The following COQ10B variants were observed in gnomAD, a reference collection of about 807,000 sequenced individuals.
COQ10B encodes the protein coenzyme Q-binding protein COQ10 homolog B, mitochondrial.
COQ10B carries 12 observed loss-of-function variants against 27.6 expected under a neutral mutation model. The observed-to-expected ratio is 0.43, with a 90% CI of 0.28 to 0.70. COQ10B has a LOEUF of 0.70. Among genes scored for constraint, COQ10B ranks in the 30% least tolerant of loss-of-function variants. The pLI is 0.17. For synonymous variants in COQ10B, 115 were observed against 103.0 expected (o/e 1.12, Z -0.71); for missense variants, 278 against 288.7 (o/e 0.96, Z 0.27).
At chr2:197,473,414 A>AT (rs1262039120) in intron 4 of COQ10B, among the ~76,000 whole-genome samples, 1,742 of 62,896 alleles carry the variant, frequency 0.028, 3 homozygotes, top group Non-Finnish European at 0.039. Context: ...AAAAAAAAAA[A>AT]AATATATATA....
intron 1 of COQ10B, among the ~76,000 whole-genome samples, chr2:197,454,554 T>G (rs2085675781): frequency 6.6e-6 from 1 of 152,056 alleles, no homozygotes; most frequent in South Asian, 2.1e-4. Context: ...TCCAAATCCC[T>G]TTAGACAAAT....
At chr2:197,465,614 C>T (rs539743681) in intron 3 of COQ10B, among the ~76,000 whole-genome samples, 1 of 151,818 alleles carries the variant, frequency 6.6e-6, no homozygotes, top group African/African-American at 2.4e-5. Flanking sequence ...CTTCTTAAAA[C>T]CTACAGGATA....
chr2:197,466,186 T>G (rs550810348), intron 3 of COQ10B, among the ~76,000 whole-genome samples: 1 of 152,312 alleles, frequency 6.6e-6, no homozygotes, highest in African/African-American at 2.4e-5. Flanking sequence ...TGCTCCCTCC[T>G]CCCACGTAAT....
At chr2:197,453,691 G>C (rs779257070) in intron 1 of COQ10B, 27 bp downstream of exon 1, 26 of 1,586,674 alleles carry the variant, frequency 1.6e-5, no homozygotes, top group Non-Finnish European at 2.2e-5. Flanking sequence ...GCGCTGAGAC[G>C]AGAGTAGTTT....
At chr2:197,455,927 C>T (rs1332565574) in intron 1 of COQ10B, among the ~76,000 whole-genome samples, 4 of 151,958 alleles carry the variant, frequency 2.6e-5, no homozygotes, top group Non-Finnish European at 5.9e-5. Context: ...CCACTGCACT[C>T]CAGCGTGGGT....
At chr2:197,473,454 A>G (rs1307371093) in intron 4 of COQ10B, among the ~76,000 whole-genome samples, 1 of 42,988 alleles carries the variant, frequency 2.3e-5, no homozygotes, top group Non-Finnish European at 5.9e-5. Flanking sequence ...ACATATATAC[A>G]TATATATATA....
intron 2 of COQ10B, among the ~76,000 whole-genome samples, chr2:197,461,358 C>G (rs1044431290): frequency 4.6e-5 from 7 of 152,114 alleles, no homozygotes; most frequent in African/African-American, 1.7e-4. Context: ...AACACCTCCT[C>G]CCAGATATTA....
chr2:197,473,469 T>C (rs2085905413), intron 4 of COQ10B, among the ~76,000 whole-genome samples: 1 of 137,988 alleles, frequency 7.2e-6, no homozygotes, highest in South Asian at 2.2e-4. Context: ...TATATATGTA[T>C]ATATACACGT....
chr2:197,465,503 G>A (rs1055570023), intron 3 of COQ10B, among the ~76,000 whole-genome samples: 10 of 151,778 alleles, frequency 6.6e-5, no homozygotes, highest in South Asian at 2.1e-4. Context: ...TATTGGCCAC[G>A]CTGGTCTTGA....
intron 2 of COQ10B, among the ~76,000 whole-genome samples, chr2:197,461,325 A>C (rs62281266): frequency 9.7e-4 from 147 of 152,278 alleles, no homozygotes; most frequent in Non-Finnish European, 1.7e-3. Context: ...AATGTTGATC[A>C]CATTGGTCTG....
intron 4 of COQ10B, among the ~76,000 whole-genome samples, chr2:197,470,576 A>C (rs2106057886): frequency 6.6e-6 from 1 of 152,294 alleles, no homozygotes; most frequent in East Asian, 1.9e-4. Flanking sequence ...CCTGGGGAAC[A>C]TAGCAAGACT....
chr2:197,454,820 C>T (rs1285327844), intron 1 of COQ10B, among the ~76,000 whole-genome samples: 1 of 152,136 alleles, frequency 6.6e-6, no homozygotes, highest in African/African-American at 2.4e-5. Context: ...TGTTAAGCAT[C>T]AGATTCTGAC....
At chr2:197,459,563 A>C (rs981417732) in intron 1 of COQ10B, among the ~76,000 whole-genome samples, 1 of 152,146 alleles carries the variant, frequency 6.6e-6, no homozygotes, top group Non-Finnish European at 1.5e-5. Flanking sequence ...GAATTAAGAA[A>C]CACCTGTGGA....
intron 1 of COQ10B, among the ~76,000 whole-genome samples, chr2:197,459,265 C>T (rs2085732064): frequency 6.6e-6 from 1 of 152,186 alleles, no homozygotes; most frequent in African/African-American, 2.4e-5. Flanking sequence ...GTGCTGTATT[C>T]AAGCGATCCT....
At position 197,460,024 on chromosome 2, in the gene COQ10B, A is replaced by G. The variant is rs759592148; in HGVS notation, c.197A>G (p.Lys66Arg). 8.1e-6 allele frequency: 13 copies of G among 1,612,008 alleles called. No homozygotes were observed. The highest frequency in any genetic ancestry group is 2.2e-5 in the East Asian group (1 of 44,860). ...GAGATATGTGCACGAACTTTCTTCA[A>G]AATCACTGCACCATTAATAAACAAA... ...PKEICARTFF[K>R]ITAPLINKRK... Residue 66 changes from lysine to arginine, a missense_variant, in exon 2 of 5, where the codon AAA (lysine) becomes AGA (arginine). This residue lies in a region of COQ10B where 183 missense variants were observed against 158.2 expected (regional missense o/e 1.16). Coordinates refer to ENST00000263960, the MANE Select transcript of COQ10B (RefSeq NM_025147.5).
chr2:197,468,291 A>G (rs2085845994), intron 3 of COQ10B, among the ~76,000 whole-genome samples: 1 of 151,914 alleles, frequency 6.6e-6, no homozygotes, highest in African/African-American at 2.4e-5. Context: ...ATACGAAAAA[A>G]AATTAGCCGA....
Position 197,470,119 on chromosome 2 carries a change from G to T in COQ10B, c.497G>T (p.Arg166Leu). 3 of 1,613,450 alleles carry T rather than the reference G, an allele frequency of 1.9e-6. No individual in the cohort carries two copies. The highest frequency in any genetic ancestry group is 2.5e-6 in the Non-Finnish European group (3 of 1,179,570). Residue 166 changes from arginine to leucine, a missense_variant, in exon 4 of 5, where the codon CGT becomes CTT. By Grantham distance (102) the Arg-to-Leu change is moderately radical. This residue lies in a region of COQ10B where 83 missense variants were observed against 104.5 expected (regional missense o/e 0.79). Coordinates refer to ENST00000263960, the MANE Select transcript of COQ10B (RefSeq NM_025147.5). ...TTCAATCATTTGGAGACTATTTGGC[G>T]TTTTAGCCCAGGTCTTCCTGGCTAC... ...RLFNHLETIW[R>L]FSPGLPGYPR...
chr2:197,459,925 T>C lies in COQ10B; in HGVS notation c.105-7T>C. ...CACTCTAAATCAGGTGATTTTTGTC[T>C]TTTCAGATATTTAGCTTCCTGTGGT... On this transcript the variant is annotated splice_polypyrimidine_tract_variant and splice_region_variant and intron_variant, in intron 1 of 4. Transcript: ENST00000263960. The C allele has an allele frequency of 6.4e-7, 1 of 1,573,524 alleles. No homozygotes were observed. The highest frequency in any genetic ancestry group is 8.6e-7 in the Non-Finnish European group (1 of 1,165,366).
At chr2:197,456,143 G>A (rs1221633181) in intron 1 of COQ10B, among the ~76,000 whole-genome samples, 2 of 152,020 alleles carry the variant, frequency 1.3e-5, no homozygotes, top group Non-Finnish European at 2.9e-5. Flanking sequence ...TACACATGAC[G>A]AGTCCTCTCT....
Sources: gnomAD v4.1 joint callset for allele counts (sites outside exome capture counted in the v4.1 genomes callset) on GRCh38, gnomAD v4.1.1 for gene constraint, gnomAD v4.1.1 regional missense constraint, MANE v1.5 for transcripts, NCBI Gene and HGNC (gene_info 2026-07-23, HGNC 2026-07-21) for gene names.